CATSPERE: variants seen among roughly 807,000 people sequenced by gnomAD.
The protein encoded by CATSPERE is cation channel sperm-associated auxiliary subunit epsilon.
In CATSPERE, 93 loss-of-function variants were observed where a neutral mutation model predicts 114.1. That is an observed-to-expected ratio of 0.81 (90% CI 0.69 to 0.97). The LOEUF is 0.97. Among genes scored for constraint, CATSPERE ranks in the 50% least tolerant of loss-of-function variants. The pLI is 0.00. For missense variants in CATSPERE, 1,058 were observed against 1,131.6 expected (o/e 0.93, Z 0.93); for synonymous variants, 341 against 384.1 (o/e 0.89, Z 1.31).
At chr1:244,608,346 A>G (rs1194395738) in intron 18 of CATSPERE, among the ~76,000 whole-genome samples, 1 of 151,892 alleles carries the variant, frequency 6.6e-6, no homozygotes, top group African/African-American at 2.4e-5. Context: ...CAGCCTGGGC[A>G]ACATAGTGGA....
intron 5 of CATSPERE, among the ~76,000 whole-genome samples, chr1:244,487,019 G>T (rs1257253452): frequency 4.6e-5 from 7 of 150,628 alleles, no homozygotes; most frequent in African/African-American, 2.5e-5. Context: ...TTCAGCATGT[G>T]GGGTACTCGT....
intron 13 of CATSPERE, among the ~76,000 whole-genome samples, chr1:244,587,588 G>A (rs1002785968): frequency 2.0e-5 from 3 of 152,182 alleles, no homozygotes; most frequent in Non-Finnish European, 2.9e-5. Flanking sequence ...GCACGTATGT[G>A]CATTTCTTTA....
chr1:244,477,867 G>T, intron 3 of CATSPERE, 39 bp from the exon 4 acceptor site: 1 of 1,456,928 alleles, frequency 6.9e-7, no homozygotes, highest in Non-Finnish European at 9.6e-7. Context: ...AATATCATAT[G>T]CACCTATAAT....
At chr1:244,471,059 G>C (rs903212182) in intron 2 of CATSPERE, among the ~76,000 whole-genome samples, 1 of 151,920 alleles carries the variant, frequency 6.6e-6, no homozygotes, top group South Asian at 2.1e-4. Flanking sequence ...TTTTTTTGTG[G>C]AGTGTTGAAT....
chr1:244,635,790 A>G (rs989327859), intron 21 of CATSPERE, among the ~76,000 whole-genome samples: 3 of 152,224 alleles, frequency 2.0e-5, no homozygotes, highest in African/African-American at 4.8e-5. Context: ...TAATAAGTCT[A>G]TATTTAGATT....
chr1:244,638,836 T>C (rs2148764932), intron 21 of CATSPERE, among the ~76,000 whole-genome samples: 1 of 152,354 alleles, frequency 6.6e-6, no homozygotes, highest in East Asian at 1.9e-4. Context: ...ATCTTAGATA[T>C]ATCCGCTTCT....
At chr1:244,486,512 A>G (rs1441814269) in intron 5 of CATSPERE, among the ~76,000 whole-genome samples, 4 of 139,010 alleles carry the variant, frequency 2.9e-5, no homozygotes, top group African/African-American at 1.1e-4. Flanking sequence ...CCAGGTGTAG[A>G]CCCTCGTAGT....
chr1:244,477,535 T>C lies in CATSPERE; in HGVS notation c.115-6T>C. 1 of 1,548,166 alleles carries C rather than the reference T, an allele frequency of 6.5e-7. No homozygotes were observed. Among genetic ancestry groups the C allele is most frequent in the Non-Finnish European group, 8.9e-7 (1 of 1,127,014 alleles). Reference sequence around the variant, plus strand: ...TTTTTGTTCGAACTCTTGTTTTCTTTTTTAGATTAAGTTAGAGTATGAAGG... The same window carrying C: ...TTTTTGTTCGAACTCTTGTTTTCTTCTTTAGATTAAGTTAGAGTATGAAGG... On this transcript the variant is annotated splice_polypyrimidine_tract_variant and splice_region_variant and intron_variant, in intron 2 of 21. Coordinates refer to ENST00000366534, the MANE Select transcript of CATSPERE (RefSeq NM_001130957.2).
At chr1:244,602,614 T>A (rs1337607788) in intron 17 of CATSPERE, among the ~76,000 whole-genome samples, 17 of 152,146 alleles carry the variant, frequency 1.1e-4, no homozygotes. Context: ...CACAGCTGGA[T>A]TCAGAGTCCC....
chr1:244,505,310 G>A (rs565069284), intron 7 of CATSPERE, among the ~76,000 whole-genome samples: 4 of 152,060 alleles, frequency 2.6e-5, no homozygotes, highest in Admixed American at 6.6e-5. Flanking sequence ...GGACCGTTTC[G>A]GTTCCTTTAT....
At chr1:244,546,971 A>G (rs3003233) in intron 8 of CATSPERE, among the ~76,000 whole-genome samples, 132,071 of 152,044 alleles carry the variant, frequency 0.87, 58,368 homozygotes, top group East Asian at 1. Context: ...ATCCAGGTAC[A>G]TAAAGATTAA....
At chr1:244,508,334 T>G (rs1319796908) in intron 7 of CATSPERE, among the ~76,000 whole-genome samples, 1 of 148,986 alleles carries the variant, frequency 6.7e-6, no homozygotes, top group African/African-American at 2.5e-5. Flanking sequence ...AGAGTCTCAC[T>G]CTGTCACCCA....
upstream of CATSPERE, chr1:244,451,743 G>A (rs1131837): frequency 1.9e-6 from 3 of 1,605,672 alleles, no homozygotes; most frequent in South Asian, 3.3e-5. The surrounding 1 kb of genome is among the most constrained non-coding windows in gnomAD (Gnocchi z 6.6). Context: ...GGTTTCCTCC[G>A]GGCCGCGCCC....
intron 7 of CATSPERE, among the ~76,000 whole-genome samples, chr1:244,506,972 T>C (rs1279291169): frequency 6.6e-6 from 1 of 152,164 alleles, no homozygotes; most frequent in Non-Finnish European, 1.5e-5. Context: ...TGAAATCCAC[T>C]TTTTTAGCTC....
chr1:244,451,921 C>G, upstream of CATSPERE: 1 of 1,243,170 alleles, frequency 8.0e-7, no homozygotes, highest in Non-Finnish European at 1.1e-6. This position sits in a 1 kb window ranked among gnomAD's most constrained non-coding sequence, Gnocchi z 6.6. Context: ...AAGAAGGAGC[C>G]AGAGGCCGGC....
chr1:244,453,629 G>T (rs1187411526), upstream of CATSPERE, among the ~76,000 whole-genome samples: 1 of 152,180 alleles, frequency 6.6e-6, no homozygotes, highest in African/African-American at 2.4e-5. Context: ...GGCTGACTCT[G>T]GTACTCTCTC....
At chr1:244,452,423 C>T (rs1665685575), upstream of CATSPERE, among the ~76,000 whole-genome samples, 1 of 152,090 alleles carries the variant, frequency 6.6e-6, no homozygotes, top group South Asian at 2.1e-4. Context: ...AAAATCGGAA[C>T]GTGTAAGTGT....
upstream of CATSPERE, chr1:244,451,613 A>G (rs1213269348): frequency 6.3e-7 from 1 of 1,594,834 alleles, no homozygotes; most frequent in African/African-American, 1.3e-5. The surrounding 1 kb of genome is among the most constrained non-coding windows in gnomAD (Gnocchi z 6.6). Context: ...CCGGCTTCCC[A>G]TGAGAGGCCC....
chr1:244,519,274 A>G (rs1677137842), intron 8 of CATSPERE, among the ~76,000 whole-genome samples: 1 of 152,172 alleles, frequency 6.6e-6, no homozygotes, highest in Admixed American at 6.5e-5. Context: ...AAGAGGGTGC[A>G]CCAACTCTGG....
Sources: allele counts gnomAD v4.1 joint callset (sites outside exome capture counted in the v4.1 genomes callset), GRCh38; gene constraint gnomAD v4.1.1; non-coding constraint Gnocchi (gnomAD v3.1); transcripts MANE v1.5; gene names NCBI Gene and HGNC (gene_info 2026-07-23, HGNC 2026-07-21).